The following IL1RAPL1 variants were observed in gnomAD, a reference collection of about 807,000 sequenced individuals.
The protein encoded by IL1RAPL1 is interleukin 1 receptor accessory protein like 1.
In IL1RAPL1, 3 loss-of-function variants were observed where a neutral mutation model predicts 48.4. That is an observed-to-expected ratio of 0.06 (90% CI 0.03 to 0.16). IL1RAPL1 has a LOEUF of 0.16. Ranked by LOEUF, IL1RAPL1 falls within the 10% of genes least tolerant of loss-of-function variation. The pLI is 1.00. For synonymous variants in IL1RAPL1, 185 were observed against 187.7 expected (o/e 0.99, Z 0.12); for missense variants, 349 against 530.6 (o/e 0.66, Z 3.36).
At chrX:28,625,007 G>A (rs894086164) in intron 1 of IL1RAPL1, among the ~76,000 whole-genome samples, 4 of 111,825 alleles carry the variant, frequency 3.6e-5, no homozygotes, top group African/African-American at 6.5e-5. Context: ...ATTATAGGAT[G>A]GGATCACTGC....
chrX:29,140,288 A>G (rs1929219390), intron 2 of IL1RAPL1, among the ~76,000 whole-genome samples: 1 of 111,938 alleles, frequency 8.9e-6, no homozygotes, highest in African/African-American at 3.2e-5. Flanking sequence ...TTTCAAGATG[A>G]GATTTGACGG....
chrX:29,439,267 C>T (rs1174053037), intron 5 of IL1RAPL1, among the ~76,000 whole-genome samples: 1 of 111,236 alleles, frequency 9.0e-6, no homozygotes, highest in Non-Finnish European at 1.9e-5. Context: ...TTCCATATAT[C>T]TAAATTTTAG....
At chrX:29,643,278 A>G (rs1396365029) in intron 5 of IL1RAPL1, among the ~76,000 whole-genome samples, 1 of 111,435 alleles carries the variant, frequency 9.0e-6, no homozygotes, top group African/African-American at 3.3e-5. Flanking sequence ...TTGTTCTTCT[A>G]ATGGGGCCTG....
chrX:29,841,767 A>G (rs183395980), intron 6 of IL1RAPL1, among the ~76,000 whole-genome samples: 26 of 111,856 alleles, frequency 2.3e-4, no homozygotes, highest in Non-Finnish European at 9.4e-5. Flanking sequence ...TTCACATAGA[A>G]GGAGCTGAGA....
intron 5 of IL1RAPL1, among the ~76,000 whole-genome samples, chrX:29,486,519 G>A (rs1293752582): frequency 1.9e-5 from 2 of 104,774 alleles, no homozygotes; most frequent in Admixed American, 1.0e-4. Flanking sequence ...ATACATAAAA[G>A]GGGAAATTGT....
chrX:28,892,724 A>G (rs1259311292), intron 2 of IL1RAPL1, among the ~76,000 whole-genome samples: 3 of 110,753 alleles, frequency 2.7e-5, no homozygotes, highest in Non-Finnish European at 5.7e-5. Context: ...GGGAACCTAG[A>G]GTGGGAGGGA....
intron 6 of IL1RAPL1, among the ~76,000 whole-genome samples, chrX:29,718,958 A>G (rs1296058015): frequency 8.9e-6 from 1 of 112,251 alleles, no homozygotes; most frequent in Non-Finnish European, 1.9e-5. Context: ...TTTAAAAGAT[A>G]ATTTTGAAAT....
chrX:28,861,240 C>G (rs765347382), intron 2 of IL1RAPL1, among the ~76,000 whole-genome samples: 1 of 111,609 alleles, frequency 9.0e-6, no homozygotes, highest in East Asian at 2.8e-4. Context: ...TGATGACAAT[C>G]GATCAGTCTG....
chrX:29,593,789 T>C (rs1203315430), intron 5 of IL1RAPL1, among the ~76,000 whole-genome samples: 1 of 112,225 alleles, frequency 8.9e-6, no homozygotes, highest in East Asian at 2.8e-4. Context: ...TTAACTGTTT[T>C]GGAAGTCCCA....
At chrX:28,841,308 A>G (rs1273932667) in intron 2 of IL1RAPL1, among the ~76,000 whole-genome samples, 2 of 110,975 alleles carry the variant, frequency 1.8e-5, no homozygotes, top group East Asian at 2.8e-4. Context: ...AATAATTTAC[A>G]TAAGAAAAAT....
At chrX:29,334,379 C>A (rs1932944060) in intron 3 of IL1RAPL1, among the ~76,000 whole-genome samples, 1 of 100,630 alleles carries the variant, frequency 9.9e-6, no homozygotes, top group African/African-American at 3.7e-5. Context: ...AGAGGGGCTC[C>A]TCACTTCCCA....
intron 2 of IL1RAPL1, among the ~76,000 whole-genome samples, chrX:29,039,764 A>T (rs1485718542): frequency 1.1e-5 from 1 of 92,165 alleles, no homozygotes; most frequent in Non-Finnish European, 2.1e-5. Context: ...ATTTAGAGGA[A>T]GTCCAAGAAG....
intron 2 of IL1RAPL1, among the ~76,000 whole-genome samples, chrX:29,230,489 T>C (rs989920838): frequency 6.1e-5 from 4 of 65,442 alleles, no homozygotes; most frequent in African/African-American, 2.5e-4. Flanking sequence ...TGCTCTATCA[T>C]TATGGTCCCT....
At chrX:28,801,577 T>G (rs1936676855) in intron 2 of IL1RAPL1, among the ~76,000 whole-genome samples, 1 of 112,098 alleles carries the variant, frequency 8.9e-6, no homozygotes, top group East Asian at 2.8e-4. Flanking sequence ...CCAACTTTCA[T>G]TCACAGTGAT....
chrX:29,899,545 A>AT (rs369479445), intron 6 of IL1RAPL1, among the ~76,000 whole-genome samples: 307 of 99,477 alleles, frequency 3.1e-3, no homozygotes, highest in South Asian at 6.3e-3. Flanking sequence ...ACAGTGAATA[A>AT]TTTTTTTTTT....
At chrX:29,816,428 A>G (rs750209450) in intron 6 of IL1RAPL1, among the ~76,000 whole-genome samples, 3 of 110,832 alleles carry the variant, frequency 2.7e-5, no homozygotes, top group East Asian at 2.8e-4. Flanking sequence ...AAGCAGTAAT[A>G]AAAAACCTAC....
intron 2 of IL1RAPL1, among the ~76,000 whole-genome samples, chrX:29,218,933 TC>T (rs1930925534): frequency 8.9e-6 from 1 of 112,497 alleles, no homozygotes; most frequent in Middle Eastern, 4.6e-3. Context: ...GCATGTCAAC[TC>T]ACATACTTGA....
At position 29,525,819 on chromosome X, in the gene IL1RAPL1, G is replaced by A. The variant is rs146423176; in HGVS notation, c.703+126511G>A. Among the ~76,000 whole-genome samples the A allele has an allele frequency of 5.4e-3, 603 of 112,082 alleles. 3 individuals are homozygous for A. The highest frequency in any genetic ancestry group is 0.018 in the African/African-American group (570 of 30,855). ...GATTTGTTTAGACAGTTCACTGGTG[G>A]TGATTTATTGGGTGTGTTTTACTGC... On this transcript the variant is annotated intron_variant, in intron 5 of 10. Coordinates refer to ENST00000378993, the MANE Select transcript of IL1RAPL1 (RefSeq NM_014271.4).
chrX:29,736,452 G>T (rs1461423221), intron 6 of IL1RAPL1, among the ~76,000 whole-genome samples: 1 of 112,191 alleles, frequency 8.9e-6, no homozygotes, highest in East Asian at 2.8e-4. Flanking sequence ...TGGGCTGGGC[G>T]CAGTGGCTCA....
Sources: allele counts gnomAD v4.1 joint callset (sites outside exome capture counted in the v4.1 genomes callset), GRCh38; gene constraint gnomAD v4.1.1; transcripts MANE v1.5; gene names NCBI Gene and HGNC (gene_info 2026-07-23, HGNC 2026-07-21).